WLS: variants seen among roughly 807,000 people sequenced by gnomAD.
WLS encodes the protein protein wntless homolog.
Under a neutral mutation model 62.8 loss-of-function variants are expected in WLS, and 23 were observed. That is an observed-to-expected ratio of 0.37 (90% CI 0.26 to 0.52). The LOEUF is 0.52. WLS is among the 20% of genes least tolerant of loss of function. WLS has a pLI of 0.92. For missense variants in WLS, 615 were observed against 697.3 expected (o/e 0.88, Z 1.33); for synonymous variants, 246 against 244.1 (o/e 1.01, Z -0.07).
intron 11 of WLS, among the ~76,000 whole-genome samples, chr1:68,106,672 C>T (rs1437029526): frequency 6.6e-6 from 1 of 152,016 alleles, no homozygotes; most frequent in Non-Finnish European, 1.5e-5. Context: ...TTCCCACTTC[C>T]CCACCCAAGG....
intron 2 of WLS, among the ~76,000 whole-genome samples, chr1:68,168,073 A>G (rs367964232): frequency 6.6e-6 from 1 of 152,148 alleles, no homozygotes; most frequent in East Asian, 1.9e-4. Context: ...AAAGTCAGAG[A>G]GGAGGGCAAG....
intron 11 of WLS, among the ~76,000 whole-genome samples, chr1:68,102,495 C>T (rs946842734): frequency 1.3e-5 from 2 of 152,120 alleles, no homozygotes; most frequent in African/African-American, 2.4e-5. Context: ...GCACCACAGA[C>T]TCAATTCTCC....
At chr1:68,110,413 TA>T (rs1232402946) in intron 11 of WLS, among the ~76,000 whole-genome samples, 1 of 151,870 alleles carries the variant, frequency 6.6e-6, no homozygotes, top group African/African-American at 2.4e-5. Flanking sequence ...AATGGTAGTC[TA>T]AAATTTTTCT....
chr1:68,220,254 AT>A (rs1211777068), intron 1 of WLS, among the ~76,000 whole-genome samples: 1 of 152,224 alleles, frequency 6.6e-6, no homozygotes, highest in Non-Finnish European at 1.5e-5. Flanking sequence ...TATCCAATCA[AT>A]TAAGAGGCAG....
At chr1:68,191,252 A>G (rs1648286707) in intron 2 of WLS, among the ~76,000 whole-genome samples, 1 of 152,066 alleles carries the variant, frequency 6.6e-6, no homozygotes, top group South Asian at 2.1e-4. Context: ...AACCAGCCCA[A>G]ATAACAGAAT....
At chr1:68,133,863 T>C (rs1044609631) in intron 11 of WLS, among the ~76,000 whole-genome samples, 1 of 152,222 alleles carries the variant, frequency 6.6e-6, no homozygotes, top group Non-Finnish European at 1.5e-5. Flanking sequence ...CCTTTTCTTA[T>C]TGCCTTTGGC....
intron 1 of WLS, among the ~76,000 whole-genome samples, chr1:68,213,570 A>C (rs1027775146): frequency 6.6e-6 from 1 of 151,984 alleles, no homozygotes; most frequent in Non-Finnish European, 1.5e-5. Flanking sequence ...TTTCTGTATT[A>C]AGTTCATTAT....
At chr1:68,178,824 C>T (rs1025783511) in intron 2 of WLS, among the ~76,000 whole-genome samples, 2 of 151,986 alleles carry the variant, frequency 1.3e-5, no homozygotes, top group African/African-American at 4.8e-5. Flanking sequence ...GAGCAAAATG[C>T]TAGCATGTAG....
At chr1:68,170,387 T>C (rs1275721630) in intron 2 of WLS, among the ~76,000 whole-genome samples, 2 of 151,822 alleles carry the variant, frequency 1.3e-5, no homozygotes, top group Non-Finnish European at 2.9e-5. Flanking sequence ...AGGCTGGTCT[T>C]GAACTCCCAA....
chr1:68,149,606 C>T lies in WLS; in HGVS notation c.972+582G>A, dbSNP rs982589149. 2.0e-5 allele frequency among the ~76,000 whole-genome samples: 3 copies of T among 152,100 alleles called. No individual in the cohort carries two copies. In the East Asian group the frequency reaches 5.8e-4, roughly 29 times the overall value. On this transcript the variant is annotated intron_variant, in intron 6 of 11. Coordinates refer to ENST00000262348, the MANE Select transcript of WLS (RefSeq NM_024911.7). Reference sequence around the variant, plus strand: ...CTTAGCCACAATGTGATGATGACACCATTCTTATTTTTAACCATGGTACCT... The same window carrying T: ...CTTAGCCACAATGTGATGATGACACTATTCTTATTTTTAACCATGGTACCT...
At chr1:68,111,506 C>T (rs566988671) in intron 11 of WLS, among the ~76,000 whole-genome samples, 11 of 152,286 alleles carry the variant, frequency 7.2e-5, no homozygotes, top group South Asian at 2.1e-4. Context: ...CATTTAAACA[C>T]GGAGGAGGGA....
chr1:68,106,335 G>A (rs996136073), intron 11 of WLS, among the ~76,000 whole-genome samples: 1 of 152,142 alleles, frequency 6.6e-6, no homozygotes, highest in Admixed American at 6.5e-5. Context: ...AGGGTACTTC[G>A]AGGGGGGCCT....
intron 11 of WLS, among the ~76,000 whole-genome samples, chr1:68,105,247 G>C (rs994620393): frequency 6.6e-6 from 1 of 152,162 alleles, no homozygotes; most frequent in East Asian, 1.9e-4. Context: ...CTTGTGAGAG[G>C]TAACAATGCA....
intron 3 of WLS, among the ~76,000 whole-genome samples, chr1:68,158,029 A>G (rs1047860401): frequency 6.6e-6 from 1 of 152,214 alleles, no homozygotes. Flanking sequence ...TAGTTTGTCT[A>G]TCATTCATTT....
At chr1:68,137,210 A>G (rs912116854) in intron 11 of WLS, among the ~76,000 whole-genome samples, 4 of 152,202 alleles carry the variant, frequency 2.6e-5, no homozygotes, top group Non-Finnish European at 5.9e-5. Flanking sequence ...TGCAGCATCC[A>G]TGTCTCAGTG....
intron 11 of WLS, among the ~76,000 whole-genome samples, chr1:68,104,501 A>G (rs929375243): frequency 5.5e-5 from 7 of 127,826 alleles, no homozygotes; most frequent in African/African-American, 1.9e-4. Context: ...TAGGTGCAAT[A>G]TCATATGATC....
chr1:68,221,215 T>C (rs1224712793), intron 1 of WLS, among the ~76,000 whole-genome samples: 2 of 152,216 alleles, frequency 1.3e-5, no homozygotes, highest in Non-Finnish European at 2.9e-5. Flanking sequence ...AATACTGGCA[T>C]GCTCATGGAC....
chr1:68,178,415 CTT>C (rs1174502076), intron 2 of WLS, among the ~76,000 whole-genome samples: 1 of 152,150 alleles, frequency 6.6e-6, no homozygotes, highest in Non-Finnish European at 1.5e-5. Context: ...ATAATTCACT[CTT>C]AGGCCAGGAG....
At chr1:68,139,314 T>C (rs1646655264) in intron 10 of WLS, among the ~76,000 whole-genome samples, 1 of 152,212 alleles carries the variant, frequency 6.6e-6, no homozygotes, top group African/African-American at 2.4e-5. Context: ...TTCTTAGAAA[T>C]GTCTCCAAAT....
Sources: gnomAD v4.1 joint callset for allele counts (sites outside exome capture counted in the v4.1 genomes callset) on GRCh38, gnomAD v4.1.1 for gene constraint, MANE v1.5 for transcripts, NCBI Gene and HGNC (gene_info 2026-07-23, HGNC 2026-07-21) for gene names.